FAM153A: variants seen among roughly 807,000 people sequenced by gnomAD.
The protein encoded by FAM153A is protein FAM153A.
FAM153A carries 12 observed loss-of-function variants against 48.1 expected under a neutral mutation model. The ratio of observed to expected loss-of-function variants is 0.25; its 90% confidence interval spans 0.16 to 0.40. The LOEUF (loss-of-function observed/expected upper bound fraction) is 0.40. Ranked by LOEUF, FAM153A falls within the 10% of genes least tolerant of loss-of-function variation. The probability of loss-of-function intolerance (pLI) is 1.00; values close to 1 mark genes in which losing one functional copy is unlikely to be tolerated. For synonymous variants in FAM153A, 36 were observed against 118.2 expected (o/e 0.30, Z 4.51); for missense variants, 111 against 345.8 (o/e 0.32, Z 5.38).
Position 177,778,405 on chromosome 5 carries a change from A to G in FAM153A, c.-57+2044T>C, listed in dbSNP as rs1300829959. ...TATGTTCTACAATATGAATGTTTCT[A>G]GAAAAAAAAAAAAATGAAAAGGTGG... On this transcript the variant is annotated intron_variant, in intron 1 of 8. Coordinates refer to the FAM153A transcript ENST00000393518. Among the ~76,000 whole-genome samples, 2 of 91,606 alleles carry G rather than the reference A, an allele frequency of 2.2e-5. 1 individual carries two copies. Among genetic ancestry groups the G allele is most frequent in the East Asian group, 6.4e-4 (2 of 3,102 alleles). The allele number at this position is 91,606 out of a possible 152,430, so 60.1% of individuals were successfully genotyped here.
chr5:177,752,399 GA>G (rs1442128719), intron 1 of FAM153A, among the ~76,000 whole-genome samples: 1 of 75,148 alleles, frequency 1.3e-5, no homozygotes, highest in Non-Finnish European at 2.6e-5. Flanking sequence ...AAGGTGGGCA[GA>G]TCACAAGGTC....
downstream of FAM153A, among the ~76,000 whole-genome samples, chr5:177,704,655 G>T (rs111867608): frequency 6.6e-6 from 1 of 151,638 alleles, no homozygotes; most frequent in Non-Finnish European, 1.5e-5. Context: ...CACTATCCCC[G>T]TGGTGCTGTT....
At chr5:177,697,986 G>C in the FAM153A span, among the ~76,000 whole-genome samples, 1 of 150,358 alleles carries the variant, frequency 6.7e-6, no homozygotes, top group Non-Finnish European at 1.5e-5. Flanking sequence ...TTTGGTCACT[G>C]GTAGCTGTGG....
downstream of FAM153A, among the ~76,000 whole-genome samples, chr5:177,710,737 C>G (rs1035696684): frequency 4.9e-5 from 7 of 142,212 alleles, 1 homozygote; most frequent in Non-Finnish European, 7.6e-5. Flanking sequence ...CATGGTGAAA[C>G]CTTGTCTCTA....
At chr5:177,759,012 G>T (rs1484769830) in intron 1 of FAM153A, among the ~76,000 whole-genome samples, 2 of 151,752 alleles carry the variant, frequency 1.3e-5, no homozygotes, top group African/African-American at 2.4e-5. Context: ...GCACAGAAAA[G>T]AAACTACCAT....
chr5:177,743,190 GT>G (rs757108757), intron 6 of FAM153A, among the ~76,000 whole-genome samples: 2,200 of 71,806 alleles, frequency 0.031, no homozygotes, highest in Non-Finnish European at 0.045. Flanking sequence ...GCATTCACTT[GT>G]TTTTTTTTTG....
chr5:177,709,424 C>T (rs1376067323), downstream of FAM153A, among the ~76,000 whole-genome samples: 4 of 147,286 alleles, frequency 2.7e-5, no homozygotes, highest in East Asian at 4.0e-4. Flanking sequence ...TGCAATGGCG[C>T]GATCTCGGCT....
rs1252974676 is a variant in FAM153A at position 177,714,103 on chromosome 5, A to G, written c.*1223-187T>C. 10 of 151,658 alleles carry G rather than the reference A, an allele frequency of 6.6e-5. 1 individual carries two copies. Among genetic ancestry groups the G allele is most frequent in the African/African-American group, 1.9e-4 (8 of 41,062 alleles). 9.4% of individuals were successfully genotyped at this position (151,658 alleles called of 1,614,324 possible). The stretch of plus-strand genomic sequence containing the variant: ...CTGGTGACATGCATCTGGTTCATCA[A>G]TGTTAGTGGCAAAGCTTCCAGCATC... On this transcript the variant is annotated intron_variant and NMD_transcript_variant, in intron 25 of 26. Transcript: ENST00000360669.
chr5:177,696,945 T>A, the FAM153A span, among the ~76,000 whole-genome samples: 25 of 151,926 alleles, frequency 1.6e-4, no homozygotes, highest in Admixed American at 1.6e-3. Context: ...TATTTTCATA[T>A]CAATTTTAGG....
At chr5:177,754,219 C>A (rs1019562192), upstream of FAM153A, among the ~76,000 whole-genome samples, 1 of 152,022 alleles carries the variant, frequency 6.6e-6, no homozygotes, top group Non-Finnish European at 1.5e-5. Context: ...GGTCCTATGC[C>A]CATGGAGCCT....
chr5:177,718,799 GA>G (rs1377015087), downstream of FAM153A, among the ~76,000 whole-genome samples: 1 of 143,450 alleles, frequency 7.0e-6, no homozygotes, highest in Non-Finnish European at 1.6e-5. Context: ...ATAAAATTAA[GA>G]AAAAAATAAA....
At chr5:177,696,668 ATT>A in the FAM153A span, among the ~76,000 whole-genome samples, 1 of 141,972 alleles carries the variant, frequency 7.0e-6, no homozygotes, top group African/African-American at 2.6e-5. Context: ...CACTCTCCTG[ATT>A]TTTTTTTTTC....
chr5:177,776,633 T>G (rs1271127641), intron 1 of FAM153A, among the ~76,000 whole-genome samples: 2 of 68,890 alleles, frequency 2.9e-5, no homozygotes, highest in Non-Finnish European at 2.8e-5. Flanking sequence ...TGGAAGAACA[T>G]TCCATGCTCA....
intron 25 of FAM153A, among the ~76,000 whole-genome samples, chr5:177,715,883 C>T (rs1365659942): frequency 2.0e-5 from 3 of 151,552 alleles, no homozygotes; most frequent in African/African-American, 4.9e-5. Context: ...CTATTGTTGC[C>T]TAGGCTGGTG....
downstream of FAM153A, among the ~76,000 whole-genome samples, chr5:177,706,086 A>G (rs2127543458): frequency 6.6e-6 from 1 of 152,128 alleles, no homozygotes; most frequent in East Asian, 1.9e-4. Flanking sequence ...AATCCCTGTC[A>G]AAAGACTTTT....
the FAM153A span, among the ~76,000 whole-genome samples, chr5:177,702,790 G>T: frequency 6.6e-6 from 1 of 151,892 alleles, no homozygotes; most frequent in Non-Finnish European, 1.5e-5. Context: ...CATAAGCCTT[G>T]GTGGCTTCCA....
At chr5:177,754,686 G>A (rs940344103), upstream of FAM153A, among the ~76,000 whole-genome samples, 23 of 151,812 alleles carry the variant, frequency 1.5e-4, no homozygotes, top group Admixed American at 2.6e-4. Context: ...CTCAATATTC[G>A]CTGTTCTGCA....
At chr5:177,707,309 T>C (rs1757957962), downstream of FAM153A, among the ~76,000 whole-genome samples, 1 of 151,774 alleles carries the variant, frequency 6.6e-6, no homozygotes, top group Non-Finnish European at 1.5e-5. Flanking sequence ...CAAAAAAGCA[T>C]TTAAAAAATG....
At chr5:177,739,178 T>C (rs781490718) in intron 9 of FAM153A, 41 bp from the exon 12 acceptor site, 2 of 1,610,152 alleles carry the variant, frequency 1.2e-6, no homozygotes, top group Non-Finnish European at 8.5e-7. Flanking sequence ...GGTAAGATCA[T>C]GCTGTCTCTG....
Sources: gnomAD v4.1 joint callset for allele counts (sites outside exome capture counted in the v4.1 genomes callset) on GRCh38, gnomAD v4.1.1 for gene constraint, MANE v1.5 for transcripts, NCBI Gene and HGNC (gene_info 2026-07-23, HGNC 2026-07-21) for gene names.